TBC1D32: variants seen among roughly 807,000 people sequenced by gnomAD.
TBC1D32 encodes TBC1 domain family member 32.
In TBC1D32, 151 loss-of-function variants were observed where a neutral mutation model predicts 170.3. The ratio of observed to expected loss-of-function variants is 0.89; its 90% CI spans 0.78 to 1.01. The LOEUF is 1.01. Among genes scored for constraint, TBC1D32 ranks in the 50% least tolerant of loss-of-function variants. The pLI, the probability that TBC1D32 is intolerant of heterozygous loss-of-function variation, is 0.00. For missense variants in TBC1D32, 1,464 were observed against 1,457.1 expected, an observed-to-expected ratio of 1.00 and a Z score of -0.08; for synonymous variants, 498 against 488.0, an observed-to-expected ratio of 1.02 and a Z score of -0.27.
At chr6:121,132,388 T>G (rs1582899043) in intron 24 of TBC1D32, among the ~76,000 whole-genome samples, 2 of 152,004 alleles carry the variant, frequency 1.3e-5, no homozygotes, top group African/African-American at 4.8e-5. Context: ...AAAGACAACA[T>G]ATTTACCTTC....
At chr6:121,118,023 TA>T (rs1779861873) in intron 26 of TBC1D32, among the ~76,000 whole-genome samples, 1 of 152,244 alleles carries the variant, frequency 6.6e-6, no homozygotes, top group South Asian at 2.1e-4. Flanking sequence ...GCATGGCTGG[TA>T]ACGAGTAATT....
chr6:121,183,494 G>T (rs1486180777), intron 22 of TBC1D32, among the ~76,000 whole-genome samples: 1 of 152,064 alleles, frequency 6.6e-6, no homozygotes, highest in Non-Finnish European at 1.5e-5. Flanking sequence ...GTGATATTCA[G>T]TCAAGTGTCT....
At chr6:121,321,856 TCAA>T in intron 1 of TBC1D32, 62 bp from the exon 2 acceptor site, 1 of 1,377,364 alleles carries the variant, frequency 7.3e-7, no homozygotes, top group South Asian at 1.5e-5. Flanking sequence ...GAAAAAAAAA[TCAA>T]CACAGAAAGG....
At chr6:121,254,784 G>A (rs1248969958) in intron 17 of TBC1D32, among the ~76,000 whole-genome samples, 1 of 151,914 alleles carries the variant, frequency 6.6e-6, no homozygotes, top group African/African-American at 2.4e-5. Flanking sequence ...AAAACATGTT[G>A]CCCGAGTTTA....
intron 1 of TBC1D32, among the ~76,000 whole-genome samples, chr6:121,327,768 A>G (rs1260345023): frequency 6.6e-6 from 1 of 152,202 alleles, no homozygotes; most frequent in Non-Finnish European, 1.5e-5. Flanking sequence ...TGATTTTTAT[A>G]CATTATCTCT....
intron 22 of TBC1D32, among the ~76,000 whole-genome samples, chr6:121,198,697 G>A (rs540794493): frequency 6.6e-6 from 1 of 151,162 alleles, no homozygotes; most frequent in East Asian, 1.9e-4. Context: ...CTTGCAGTGA[G>A]CCGAGATCCC....
chr6:121,092,294 T>G (rs980476951), intron 30 of TBC1D32, among the ~76,000 whole-genome samples: 7 of 43,042 alleles, frequency 1.6e-4, no homozygotes, highest in South Asian at 8.0e-4. Context: ...CAGTTTTATG[T>G]TTTTTTTTTT....
In TBC1D32 at chr6:121,223,369, C is replaced by G; in HGVS notation, c.2365-17G>C. ...TAAAAAAGACTAGAGGGAAAGAAAA[C>G]AGTCATTTAAATGATTCACTTTTGT... On this transcript the variant is annotated splice_polypyrimidine_tract_variant and intron_variant, in intron 20 of 31. Transcript: ENST00000398212. 6.6e-7 allele frequency: 1 copy of G among 1,504,738 alleles called. No individual in the cohort carries two copies. Among genetic ancestry groups the G allele is most frequent in the Non-Finnish European group, 9.1e-7 (1 of 1,094,332 alleles). 93.2% of individuals were successfully genotyped at this position (1,504,738 alleles called of 1,614,324 possible). A position where few individuals can be genotyped will look rare whatever the true frequency, so the allele number is the denominator to read the frequency against.
At chr6:121,257,879 A>C (rs1000744543) in intron 15 of TBC1D32, among the ~76,000 whole-genome samples, 1 of 152,168 alleles carries the variant, frequency 6.6e-6, no homozygotes, top group African/African-American at 2.4e-5. Flanking sequence ...TAAAATGGTA[A>C]GATACCCCAG....
At chr6:121,228,635 CT>C (rs1795343015) in intron 20 of TBC1D32, among the ~76,000 whole-genome samples, 1 of 151,958 alleles carries the variant, frequency 6.6e-6, no homozygotes, top group Admixed American at 6.6e-5. Context: ...TTCCAATTAT[CT>C]TAAATTTATT....
chr6:121,252,416 G>A (rs545062888), intron 17 of TBC1D32, among the ~76,000 whole-genome samples: 2 of 152,216 alleles, frequency 1.3e-5, no homozygotes, highest in African/African-American at 2.4e-5. Flanking sequence ...CATGTCCTTC[G>A]CAGGGAGATG....
Position 121,297,836 on chromosome 6 carries a change from G to A in TBC1D32, c.1140+1610C>T, listed in dbSNP as rs7772037. On this transcript the variant is annotated intron_variant, in intron 10 of 31. Coordinates refer to ENST00000398212, the MANE Select transcript of TBC1D32 (RefSeq NM_152730.6). ...TTTCAAGTTTTCAGCAGTCATATGT[G>A]GCTTGTGGTTACCATATTGTACAAC... Among the ~76,000 whole-genome samples the A allele has an allele frequency of 5.4e-3, 818 of 152,114 alleles. 8 individuals carry two copies. Among genetic ancestry groups the A allele is most frequent in the African/African-American group, 0.019 (783 of 41,522 alleles).
At chr6:121,097,847 C>A (rs1777598075) in intron 30 of TBC1D32, among the ~76,000 whole-genome samples, 1 of 152,004 alleles carries the variant, frequency 6.6e-6, no homozygotes, top group Admixed American at 6.6e-5. Context: ...ACATATACAC[C>A]ATGGAATAGT....
intron 13 of TBC1D32, among the ~76,000 whole-genome samples, chr6:121,282,609 T>C (rs1180913823): frequency 6.6e-6 from 1 of 151,726 alleles, no homozygotes; most frequent in Non-Finnish European, 1.5e-5. Flanking sequence ...GAAACCCTGT[T>C]TACAAGGACA....
chr6:121,227,154 A>G (rs576069227), intron 20 of TBC1D32, among the ~76,000 whole-genome samples: 5 of 152,218 alleles, frequency 3.3e-5, no homozygotes, highest in Admixed American at 6.5e-5. Context: ...AATGCAGCCC[A>G]TGGGCCGCAG....
At chr6:121,212,100 T>C (rs1417523906) in intron 21 of TBC1D32, among the ~76,000 whole-genome samples, 1 of 151,994 alleles carries the variant, frequency 6.6e-6, no homozygotes, top group Non-Finnish European at 1.5e-5. Context: ...AACATCTCTA[T>C]GCAAACAACC....
At chr6:121,332,951 T>G (rs1224338552) in intron 1 of TBC1D32, among the ~76,000 whole-genome samples, 4 of 152,202 alleles carry the variant, frequency 2.6e-5, no homozygotes, top group Non-Finnish European at 5.9e-5. Context: ...CCATTATTAA[T>G]GAAGATTCCT....
At chr6:121,190,428 C>G (rs1789846633) in intron 22 of TBC1D32, among the ~76,000 whole-genome samples, 1 of 148,486 alleles carries the variant, frequency 6.7e-6, no homozygotes, top group African/African-American at 2.5e-5. Context: ...TCTCTACCCC[C>G]CTACACACCC....
At chr6:121,093,666 A>G (rs543325590) in intron 30 of TBC1D32, among the ~76,000 whole-genome samples, 1 of 152,268 alleles carries the variant, frequency 6.6e-6, no homozygotes, top group African/African-American at 2.4e-5. Context: ...GCAACAGTTC[A>G]TTATTATACA....
Sources: allele counts gnomAD v4.1 joint callset (sites outside exome capture counted in the v4.1 genomes callset), GRCh38; gene constraint gnomAD v4.1.1; transcripts MANE v1.5; gene names NCBI Gene and HGNC (gene_info 2026-07-23, HGNC 2026-07-21).